The following SLC24A2 variants were observed in gnomAD, a reference collection of about 807,000 sequenced individuals.
SLC24A2 encodes solute carrier family 24 member 2, also known as sodium/potassium/calcium exchanger 2.
Under a neutral mutation model 62.0 loss-of-function variants are expected in SLC24A2, and 36 were observed. The ratio of observed to expected loss-of-function variants is 0.58; its 90% confidence interval spans 0.44 to 0.77. SLC24A2 has a LOEUF of 0.77. Ranked by LOEUF, SLC24A2 falls within the 30% of genes least tolerant of loss-of-function variation. SLC24A2 has a pLI of 0.00. For synonymous variants in SLC24A2, 358 were observed against 294.0 expected (o/e 1.22, Z -2.23); for missense variants, 846 against 817.9 (o/e 1.03, Z -0.42).
At chr9:20,159,085 T>G in the SLC24A2 span, among the ~76,000 whole-genome samples, 1 of 151,678 alleles carries the variant, frequency 6.6e-6, no homozygotes, top group Non-Finnish European at 1.5e-5. Flanking sequence ...AGAGATTGCA[T>G]TTTCAAGAAA....
At chr9:19,932,263 T>C in the SLC24A2 span, among the ~76,000 whole-genome samples, 2 of 152,198 alleles carry the variant, frequency 1.3e-5, no homozygotes, top group Non-Finnish European at 2.9e-5. Flanking sequence ...TGGGTAGAGA[T>C]GAAAGCTTGG....
chr9:19,601,394 C>T (rs1196591668), intron 4 of SLC24A2, among the ~76,000 whole-genome samples: 4 of 152,128 alleles, frequency 2.6e-5, no homozygotes, highest in Non-Finnish European at 5.9e-5. Context: ...AGCAGCAACC[C>T]ACTTGGGTCC....
chr9:20,233,939 C>G, the SLC24A2 span, among the ~76,000 whole-genome samples: 1 of 152,192 alleles, frequency 6.6e-6, no homozygotes, highest in East Asian at 1.9e-4. Context: ...CAAAATCTCT[C>G]AGCTTTTGCT....
the SLC24A2 span, among the ~76,000 whole-genome samples, chr9:19,828,483 C>G: frequency 6.6e-6 from 1 of 152,002 alleles, no homozygotes; most frequent in Non-Finnish European, 1.5e-5. Flanking sequence ...ATAAAACAAA[C>G]CAAAAGAACC....
chr9:19,667,560 T>C (rs1564026754), intron 2 of SLC24A2, among the ~76,000 whole-genome samples: 1 of 152,164 alleles, frequency 6.6e-6, no homozygotes. Context: ...AGAGGTCTTC[T>C]AGCCTCTAGT....
the SLC24A2 span, among the ~76,000 whole-genome samples, chr9:20,043,274 T>C: frequency 6.6e-6 from 1 of 152,204 alleles, no homozygotes; most frequent in Non-Finnish European, 1.5e-5. Context: ...GAAACAAACT[T>C]ATTACCTATA....
intron 7 of SLC24A2, among the ~76,000 whole-genome samples, chr9:19,564,466 T>C (rs1441542052): frequency 1.3e-5 from 2 of 152,194 alleles, no homozygotes; most frequent in African/African-American, 4.8e-5. Context: ...AATTGTAAAG[T>C]AAGAATAAAA....
At chr9:20,141,536 C>T in the SLC24A2 span, among the ~76,000 whole-genome samples, 6 of 151,884 alleles carry the variant, frequency 4.0e-5, no homozygotes, top group Non-Finnish European at 7.4e-5. Context: ...TATGTCACAG[C>T]CTAACATCTC....
the SLC24A2 span, among the ~76,000 whole-genome samples, chr9:19,887,701 G>T: frequency 1.3e-5 from 2 of 152,044 alleles, no homozygotes; most frequent in Non-Finnish European, 2.9e-5. Flanking sequence ...CCATTGCTGG[G>T]TATCTACCCA....
chr9:19,962,477 G>T, the SLC24A2 span, among the ~76,000 whole-genome samples: 1 of 152,100 alleles, frequency 6.6e-6, no homozygotes, highest in East Asian at 1.9e-4. Context: ...TCACAATATT[G>T]ATTCTTCCTA....
At chr9:19,820,058 CATATATATATATATAT>C in the SLC24A2 span, among the ~76,000 whole-genome samples, 1 of 34,644 alleles carries the variant, frequency 2.9e-5, no homozygotes, top group Admixed American at 3.5e-4. Flanking sequence ...TATATATACA[CATATATATATATATAT>C]ATATATATAC....
chr9:19,655,963 T>A (rs184700367), intron 2 of SLC24A2, among the ~76,000 whole-genome samples: 77 of 152,224 alleles, frequency 5.1e-4, no homozygotes, highest in African/African-American at 1.6e-3. Flanking sequence ...TACTGAAAAA[T>A]GATCACAGGT....
chr9:20,185,439 G>A, the SLC24A2 span, among the ~76,000 whole-genome samples: 1 of 152,008 alleles, frequency 6.6e-6, no homozygotes, highest in African/African-American at 2.4e-5. Context: ...GCCGAGGTGG[G>A]CGGATCAAGA....
the SLC24A2 span, among the ~76,000 whole-genome samples, chr9:20,205,447 G>A: frequency 9.2e-5 from 14 of 152,022 alleles, no homozygotes; most frequent in African/African-American, 3.1e-4. Flanking sequence ...AGGAGATCGA[G>A]ACCATCCTGG....
intron 2 of SLC24A2, among the ~76,000 whole-genome samples, chr9:19,715,483 T>C (rs1223813071): frequency 6.6e-6 from 1 of 152,228 alleles, no homozygotes; most frequent in Non-Finnish European, 1.5e-5. Flanking sequence ...CACATCCATC[T>C]GTGTATTAGC....
At chr9:20,103,632 G>T in the SLC24A2 span, among the ~76,000 whole-genome samples, 3 of 152,206 alleles carry the variant, frequency 2.0e-5, no homozygotes, top group Non-Finnish European at 4.4e-5. Flanking sequence ...ACCTGGAGCT[G>T]AGGGTCCTGT....
chr9:19,543,770 T>C (rs1311110172), intron 8 of SLC24A2, among the ~76,000 whole-genome samples: 1 of 152,186 alleles, frequency 6.6e-6, no homozygotes, highest in African/African-American at 2.4e-5. Flanking sequence ...TGAGTTCTAA[T>C]TTGATTGCAC....
chr9:20,298,291 G>A, the SLC24A2 span, among the ~76,000 whole-genome samples: 50,756 of 151,890 alleles, frequency 0.33, 8,915 homozygotes, highest in Middle Eastern at 0.5. Flanking sequence ...GTGCAGCAGA[G>A]CTATCTCGGC....
At chr9:19,615,547 A>C (rs1360392235) in intron 4 of SLC24A2, among the ~76,000 whole-genome samples, 1 of 152,222 alleles carries the variant, frequency 6.6e-6, no homozygotes, top group East Asian at 1.9e-4. Flanking sequence ...ATACCAGAGC[A>C]ATCTGTTTTC....
Sources: allele counts gnomAD v4.1 joint callset (sites outside exome capture counted in the v4.1 genomes callset), GRCh38; gene constraint gnomAD v4.1.1; transcripts MANE v1.5; gene names NCBI Gene and HGNC (gene_info 2026-07-23, HGNC 2026-07-21).